Variants in NOS1 observed in about 807,000 individuals in gnomAD.
NOS1 encodes NOS type I.
Under a neutral mutation model 164.5 loss-of-function variants are expected in NOS1, and 51 were observed. The observed-to-expected ratio is 0.31, with a 90% CI of 0.25 to 0.39. The LOEUF is 0.39. NOS1 is among the 10% of genes least tolerant of loss of function. NOS1 has a pLI of 1.00. For synonymous variants in NOS1, 719 were observed against 745.8 expected, an observed-to-expected ratio of 0.96 and a Z score of 0.59; for missense variants, 1,362 against 1,885.6, an observed-to-expected ratio of 0.72 and a Z score of 5.14.
At chr12:117,309,320 A>C (rs1874313504) in intron 3 of NOS1, 1 of 984,976 alleles carries the variant, frequency 1.0e-6, no homozygotes, top group Admixed American at 6.1e-5. Context: ...GACCTACCAC[A>C]GAATCCCTGA....
At chr12:117,256,177 C>T (rs983585115) in intron 16 of NOS1, 18 of 436,150 alleles carry the variant, frequency 4.1e-5, no homozygotes, top group Admixed American at 8.8e-5. Flanking sequence ...GGGCGTAGAA[C>T]GAGGGCTGAC....
chr12:117,237,654 TTGC>T (rs1201485327), intron 20 of NOS1, among the ~76,000 whole-genome samples: 1 of 149,532 alleles, frequency 6.7e-6, no homozygotes, highest in East Asian at 2.0e-4. Flanking sequence ...AAAGAATAAT[TTGC>T]TAATGTCCAG....
At chr12:117,309,434 A>G in intron 3 of NOS1, 1 of 968,384 alleles carries the variant, frequency 1.0e-6, no homozygotes. Context: ...GAGAACTTTG[A>G]GGCCTTGTTT....
At chr12:117,286,993 T>C (rs1872751108) in intron 5 of NOS1, among the ~76,000 whole-genome samples, 1 of 152,154 alleles carries the variant, frequency 6.6e-6, no homozygotes, top group African/African-American at 2.4e-5. Context: ...GGAGGGTGGA[T>C]CACTTGAGGC....
rs541569218 is a variant in NOS1, at chr12:117,281,592, T to G, written c.1383-726A>C. The stretch of plus-strand genomic sequence containing the variant: ...GGCTCATGCCTATAATCCCAGCACT[T>G]TGGGAGGCCAAGGCAGGCGGATCAC... On this transcript the variant is annotated intron_variant, in intron 7 of 28. Coordinates refer to ENST00000317775, the MANE Select transcript of NOS1 (RefSeq NM_000620.5). Among the ~76,000 whole-genome samples the G allele has an allele frequency of 5.3e-5, 8 of 149,760 alleles. No individual in the cohort carries two copies. In the East Asian group the frequency reaches 1.6e-3, roughly 30 times the overall value.
chr12:117,242,641 C>T lies in NOS1; in HGVS notation c.3027G>A (p.Gln1009=). Reference sequence around the variant, plus strand: ...GATGTTCCTACCTGGATTTAGGGCTCTGGAGGTTTTGACGGCTAAGGAGCC... The same window carrying T: ...GATGTTCCTACCTGGATTTAGGGCTTTGGAGGTTTTGACGGCTAAGGAGCC... ...AARLLSRQNL[Q]SPKSSRSTIF... Residue 1009 remains glutamine (Q), a synonymous_variant, in exon 20 of 29, where the codon CAG becomes CAA. Coordinates refer to ENST00000317775, the MANE Select transcript of NOS1 (RefSeq NM_000620.5). 6.2e-7 allele frequency: 1 copy of T among 1,614,134 alleles called. No homozygotes were observed. Among genetic ancestry groups the T allele is most frequent in the Non-Finnish European group, 8.5e-7 (1 of 1,180,000 alleles).
Position 117,283,855 on chromosome 12 carries a change from CAAAAAAAAAA to C in NOS1, c.1382+1376_1382+1385del, listed in dbSNP as rs61448842. On this transcript the variant is annotated intron_variant, in intron 7 of 28. Transcript: ENST00000317775. ...TGGGTAACAGAGCAAGACTCTGTCT[CAAAAAAAAAA>C]AAAAAAAAAAAAAGGAAATCCACCA... is the stretch of plus-strand genomic sequence containing the variant. 6.3e-3 allele frequency among the ~76,000 whole-genome samples: 404 copies of C among 63,732 alleles called. 4 individuals are homozygous for C. The highest frequency in any genetic ancestry group is 0.026 in the African/African-American group (387 of 15,062). The allele number at this position is 63,732 out of a possible 152,430, so 41.8% of individuals were successfully genotyped here.
intron 7 of NOS1, 34 bp downstream of exon 7, chr12:117,285,207 C>G (rs779044801): frequency 6.6e-7 from 1 of 1,510,316 alleles, no homozygotes; most frequent in Non-Finnish European, 9.2e-7. Flanking sequence ...GACTTTTGAC[C>G]TCCTGCTCCC....
chr12:117,355,950 ACT>A (rs1478005734), intron 1 of NOS1, among the ~76,000 whole-genome samples: 2 of 151,918 alleles, frequency 1.3e-5, no homozygotes. Flanking sequence ...ATGGAGTCTC[ACT>A]CTGTTTCCCA....
At chr12:117,268,329 C>T (rs1872568077) in intron 10 of NOS1, among the ~76,000 whole-genome samples, 185 bp from the exon 11 acceptor site, 1 of 151,994 alleles carries the variant, frequency 6.6e-6, no homozygotes, top group Non-Finnish European at 1.5e-5. Flanking sequence ...CTCCTGCATT[C>T]AAGCGATTCT....
Position 117,212,231 on chromosome 12 carries a change from G to A in NOS1, c.*3078C>T, listed in dbSNP as rs376091885. The A allele has an allele frequency of 1.3e-4, 133 of 985,330 alleles. No homozygotes were observed. Among genetic ancestry groups the A allele is most frequent in the African/African-American group, 3.1e-4 (18 of 57,334 alleles). 61.0% of individuals were successfully genotyped at this position (985,330 alleles called of 1,614,324 possible). A position where few individuals can be genotyped will look rare whatever the true frequency, so the allele number is the denominator to read the frequency against. On this transcript the variant is annotated 3_prime_UTR_variant, in exon 29 of 29. Coordinates refer to ENST00000317775, the MANE Select transcript of NOS1 (RefSeq NM_000620.5). ...ACCAGGTACTGTAACTGGGCATTTC[G>A]TGGGCATTGTCTCATTCAATCCACC...
At position 117,226,544 on chromosome 12, in the gene NOS1, G is replaced by A. The variant is rs1868689577; in HGVS notation, c.3704+139C>T. 1.0e-5 allele frequency: 7 copies of A among 689,286 alleles called. No homozygotes were observed. The Middle Eastern group carries it at 7.2e-4, about 71-fold the overall frequency. 42.7% of individuals were successfully genotyped at this position (689,286 alleles called of 1,614,324 possible). A position where few individuals can be genotyped will look rare whatever the true frequency, so the allele number is the denominator to read the frequency against. ...GATCTTGTTTCCTTAACAACTAAGA[G>A]AGACGCAGGACATTGGTCTCCATCG... On this transcript the variant is annotated intron_variant, in intron 24 of 28. Coordinates refer to ENST00000317775, the MANE Select transcript of NOS1 (RefSeq NM_000620.5).
At chr12:117,236,635 G>A (rs949882530) in intron 20 of NOS1, among the ~76,000 whole-genome samples, 7 of 152,170 alleles carry the variant, frequency 4.6e-5, no homozygotes, top group African/African-American at 1.7e-4. Context: ...AGAGCTGCAA[G>A]AAGGAACTCG....
chr12:117,346,937 C>T (rs1339319775), intron 1 of NOS1, among the ~76,000 whole-genome samples: 2 of 152,144 alleles, frequency 1.3e-5, no homozygotes, highest in Non-Finnish European at 2.9e-5. Flanking sequence ...AAATGAATTG[C>T]GTTTGGTTAA....
At chr12:117,284,181 C>T (rs547427581) in intron 7 of NOS1, among the ~76,000 whole-genome samples, 28 of 152,272 alleles carry the variant, frequency 1.8e-4, no homozygotes, top group Non-Finnish European at 2.9e-4. Flanking sequence ...CAGTGAAGCC[C>T]GGGCGCTTGT....
chr12:117,286,365 A>C, intron 5 of NOS1, 99 bp from the exon 6 acceptor site: 2 of 1,326,298 alleles, frequency 1.5e-6, no homozygotes, highest in Non-Finnish European at 2.1e-6. Context: ...AGCTACAAAA[A>C]ATTCCAAGTT....
At chr12:117,252,041 C>T (rs767069543) in intron 17 of NOS1, among the ~76,000 whole-genome samples, 39 of 152,266 alleles carry the variant, frequency 2.6e-4, no homozygotes, top group Non-Finnish European at 4.0e-4. Context: ...CGTTGGCAAA[C>T]TTTTTATATG....
In NOS1 at chr12:117,215,175, C is replaced by A. The variant is rs1284050627; in HGVS notation, c.*134G>T. Reference sequence around the variant, plus strand: ...GAGGAAACCACTGAGGGGCGAGAAGCCCGAGGAGGGAAACCAGGGCACAGC... The same window carrying A: ...GAGGAAACCACTGAGGGGCGAGAAGACCGAGGAGGGAAACCAGGGCACAGC... On this transcript the variant is annotated 3_prime_UTR_variant, in exon 29 of 29. Transcript: ENST00000317775. 7 of 1,334,218 alleles carry A rather than the reference C, an allele frequency of 5.2e-6. No individual in the cohort carries two copies. The highest frequency in any genetic ancestry group is 6.8e-6 in the Non-Finnish European group (7 of 1,032,636). The allele number at this position is 1,334,218 out of a possible 1,614,324, so 82.6% of individuals were successfully genotyped here. A position where few individuals can be genotyped will look rare whatever the true frequency, so the allele number is the denominator to read the frequency against.
chr12:117,297,076 C>A (rs1019384545), intron 3 of NOS1, among the ~76,000 whole-genome samples: 1 of 152,254 alleles, frequency 6.6e-6, no homozygotes, highest in East Asian at 1.9e-4. Context: ...AGTTTCAACA[C>A]TGTAGAGTTC....
Sources: allele counts gnomAD v4.1 joint callset (sites outside exome capture counted in the v4.1 genomes callset), GRCh38; gene constraint gnomAD v4.1.1; transcripts MANE v1.5; gene names NCBI Gene and HGNC (gene_info 2026-07-23, HGNC 2026-07-21).